Variants in AFG1L observed in about 807,000 individuals in gnomAD.
The protein encoded by AFG1L is AFG1-like ATPase.
A neutral mutation model predicts 62.2 loss-of-function variants in AFG1L; 53 were observed. That is an observed-to-expected ratio of 0.85 (90% CI 0.68 to 1.07). AFG1L has a LOEUF of 1.07. Ranked by LOEUF, AFG1L falls within the 50% of genes least tolerant of loss-of-function variation. The pLI is 0.00. For synonymous variants in AFG1L, 228 were observed against 210.3 expected, an observed-to-expected ratio of 1.08 and a Z score of -0.73; for missense variants, 555 against 590.5, an observed-to-expected ratio of 0.94 and a Z score of 0.62.
chr6:108,476,313 G>A (rs185438040), intron 8 of AFG1L, among the ~76,000 whole-genome samples: 6 of 152,314 alleles, frequency 3.9e-5, no homozygotes, highest in Non-Finnish European at 2.9e-5. Context: ...GAGAAACTGT[G>A]TGGTCTATAA....
chr6:108,317,260 A>G (rs1038188169), intron 1 of AFG1L, among the ~76,000 whole-genome samples: 7 of 152,232 alleles, frequency 4.6e-5, no homozygotes, highest in Admixed American at 2.0e-4. Context: ...AGTCCCACAC[A>G]GGAGAACTGG....
intron 1 of AFG1L, among the ~76,000 whole-genome samples, chr6:108,312,566 GTAA>G (rs1314341941): frequency 6.6e-6 from 1 of 151,760 alleles, no homozygotes; most frequent in African/African-American, 2.4e-5. Context: ...CTAAAATAAA[GTAA>G]TAATAATAAA....
intron 1 of AFG1L, among the ~76,000 whole-genome samples, chr6:108,306,396 C>G (rs1486385024): frequency 6.6e-6 from 1 of 152,152 alleles, no homozygotes; most frequent in East Asian, 1.9e-4. Flanking sequence ...TGTAACTTCT[C>G]CCCATTCATC....
At chr6:108,320,286 G>A (rs1001619663) in intron 1 of AFG1L, among the ~76,000 whole-genome samples, 41 of 152,310 alleles carry the variant, frequency 2.7e-4, no homozygotes, top group African/African-American at 9.4e-4. Context: ...ACATCTTGAA[G>A]GGAGTGGCCC....
At chr6:108,307,820 A>G (rs943405049) in intron 1 of AFG1L, among the ~76,000 whole-genome samples, 6 of 152,210 alleles carry the variant, frequency 3.9e-5, no homozygotes, top group African/African-American at 1.4e-4. Context: ...TTCAGTTACT[A>G]TGCATCCTCA....
At chr6:108,326,937 G>A (rs1778068278) in intron 2 of AFG1L, among the ~76,000 whole-genome samples, 1 of 151,566 alleles carries the variant, frequency 6.6e-6, no homozygotes, top group South Asian at 2.1e-4. Flanking sequence ...GTGACAGTGA[G>A]ACTCCGTCTC....
intron 7 of AFG1L, among the ~76,000 whole-genome samples, chr6:108,405,390 G>C (rs1003577023): frequency 2.0e-5 from 3 of 152,122 alleles, no homozygotes; most frequent in African/African-American, 7.2e-5. Context: ...CTGTTGCCTA[G>C]GCTGGAGTGC....
intron 8 of AFG1L, among the ~76,000 whole-genome samples, chr6:108,459,585 T>A (rs2114776824): frequency 6.6e-6 from 1 of 152,318 alleles, no homozygotes; most frequent in South Asian, 2.1e-4. Flanking sequence ...AAGGAAAGAA[T>A]CAAGTATTTT....
chr6:108,470,221 C>G (rs959300895), intron 8 of AFG1L, among the ~76,000 whole-genome samples: 2 of 152,226 alleles, frequency 1.3e-5, no homozygotes, highest in Non-Finnish European at 2.9e-5. Context: ...ACACTTCCCT[C>G]ATCACTTGCC....
intron 7 of AFG1L, among the ~76,000 whole-genome samples, chr6:108,430,043 G>A (rs369491724): frequency 1.3e-5 from 2 of 151,798 alleles, no homozygotes; most frequent in Admixed American, 6.6e-5. Flanking sequence ...CACCTCCTGG[G>A]TTCAAGCAGT....
chr6:108,313,584 C>T (rs1777488417), intron 1 of AFG1L, among the ~76,000 whole-genome samples: 1 of 152,128 alleles, frequency 6.6e-6, no homozygotes, highest in African/African-American at 2.4e-5. Flanking sequence ...GTTGCCCAGG[C>T]TGTGGAGTGC....
chr6:108,466,010 A>G (rs1309788931), intron 8 of AFG1L, among the ~76,000 whole-genome samples: 1 of 152,102 alleles, frequency 6.6e-6, no homozygotes, highest in Non-Finnish European at 1.5e-5. Flanking sequence ...TCACTACACT[A>G]TGGATTAAGT....
At chr6:108,349,231 C>G (rs950655350) in intron 3 of AFG1L, among the ~76,000 whole-genome samples, 1 of 152,112 alleles carries the variant, frequency 6.6e-6, no homozygotes, top group Non-Finnish European at 1.5e-5. Context: ...TACCTGTAAT[C>G]CCAGCACTTT....
chr6:108,514,494 G>A (rs1774797032), intron 11 of AFG1L, among the ~76,000 whole-genome samples: 1 of 152,144 alleles, frequency 6.6e-6, no homozygotes, highest in Non-Finnish European at 1.5e-5. Flanking sequence ...GCTCCTGAAG[G>A]AAGCACTAAA....
At chr6:108,388,707 T>G (rs1447552831) in intron 6 of AFG1L, among the ~76,000 whole-genome samples, 1 of 150,684 alleles carries the variant, frequency 6.6e-6, no homozygotes, top group Non-Finnish European at 1.5e-5. Context: ...TTCTTAATCC[T>G]GAGTTCTAGT....
chr6:108,398,315 C>T (rs1169914182), intron 6 of AFG1L, among the ~76,000 whole-genome samples: 1 of 152,040 alleles, frequency 6.6e-6, no homozygotes, highest in Non-Finnish European at 1.5e-5. Context: ...GATTTTTTCC[C>T]TATAGAGTTA....
chr6:108,448,229 G>A (rs539942756), intron 8 of AFG1L, among the ~76,000 whole-genome samples: 5 of 152,258 alleles, frequency 3.3e-5, no homozygotes, highest in Admixed American at 2.6e-4. Context: ...TTCTTCATTT[G>A]TCCTCAAGTA....
intron 8 of AFG1L, among the ~76,000 whole-genome samples, chr6:108,462,151 C>T (rs926384679): frequency 3.3e-5 from 5 of 151,774 alleles, no homozygotes; most frequent in Admixed American, 3.3e-4. Context: ...CCTATAATTC[C>T]AGCACTTTGA....
intron 6 of AFG1L, chr6:108,387,648 AAAG>A (rs1417808305): frequency 2.0e-5 from 3 of 152,240 alleles, no homozygotes; most frequent in Non-Finnish European, 4.4e-5. Context: ...ATGATATCAA[AAAG>A]AAGAAATATT....
Sources: allele counts gnomAD v4.1 joint callset (sites outside exome capture counted in the v4.1 genomes callset), GRCh38; gene constraint gnomAD v4.1.1; transcripts MANE v1.5; gene names NCBI Gene and HGNC (gene_info 2026-07-23, HGNC 2026-07-21).